ATP2A1: variants seen among roughly 807,000 people sequenced by gnomAD.
The protein encoded by ATP2A1 is ATPase sarcoplasmic/endoplasmic reticulum Ca2+ transporting 1, also known as sarcoplasmic/endoplasmic reticulum calcium ATPase 1.
In ATP2A1, 83 loss-of-function variants were observed where a neutral mutation model predicts 109.5. The ratio of observed to expected loss-of-function variants is 0.76; its 90% CI spans 0.63 to 0.91. The LOEUF (loss-of-function observed/expected upper bound fraction) is 0.91, where lower values mean the gene tolerates loss of function less well. ATP2A1 is among the 40% of genes least tolerant of loss of function. The probability of loss-of-function intolerance (pLI) is 0.00; values close to 1 mark genes in which losing one functional copy is unlikely to be tolerated. For synonymous variants in ATP2A1, 505 were observed against 537.6 expected, an observed-to-expected ratio of 0.94 and a Z score of 0.84; for missense variants, 1,101 against 1,341.0, an observed-to-expected ratio of 0.82 and a Z score of 2.80.
rs1964130620 is a variant in ATP2A1, at chr16:28,902,993, C to G, written c.2745-37C>G. ...CCACTGTGCCGCCCACCTCCTTCCTCCTCACTGTGCCTTCTCCCTCCCCTT... is the reference window on the plus strand; with the variant it reads ...CCACTGTGCCGCCCACCTCCTTCCTGCTCACTGTGCCTTCTCCCTCCCCTT... On this transcript the variant is annotated intron_variant, in intron 19 of 22. Transcript: ENST00000395503. The surrounding 1 kb of genome is among the most constrained non-coding windows in gnomAD (Gnocchi z 4.8). 1 of 1,613,496 alleles carries G rather than the reference C, an allele frequency of 6.2e-7. No individual in the cohort carries two copies. The highest frequency in any genetic ancestry group is 1.3e-5 in the African/African-American group (1 of 75,006).
intron 9 of ATP2A1, among the ~76,000 whole-genome samples, chr16:28,889,773 G>C (rs1180293283): frequency 6.6e-6 from 1 of 152,192 alleles, no homozygotes; most frequent in African/African-American, 2.4e-5. Context: ...CCTAAAGCAG[G>C]GCTCTTAATC....
chr16:28,902,048 C>T lies in ATP2A1; in HGVS notation c.2286C>T (p.Arg762=), dbSNP rs1386346062. The change falls in exon 16 of 23, where the codon CGC becomes CGT. Residue 762 remains arginine, a synonymous_variant. Coordinates refer to ENST00000395503, the MANE Select transcript of ATP2A1 (RefSeq NM_004320.6). This position sits in a 1 kb window ranked among gnomAD's most constrained non-coding sequence, Gnocchi z 4.8. Reference sequence around the variant, plus strand: ...ACAACAACATGAAGCAGTTCATCCGCTACCTCATTTCCTCCAACGTGGGCG... The same window carrying T: ...ACAACAACATGAAGCAGTTCATCCGTTACCTCATTTCCTCCAACGTGGGCG... ...AIYNNMKQFI[R]YLISSNVGEV... is the part of the protein sequence containing the mutation. 2 of 1,614,124 alleles carry T rather than the reference C, an allele frequency of 1.2e-6. No homozygotes were observed. Among genetic ancestry groups the T allele is most frequent in the African/African-American group, 2.7e-5 (2 of 74,946 alleles).
At position 28,902,444 on chromosome 16, in the gene ATP2A1, G is replaced by GAC; in HGVS notation, c.2524+61_2524+62dup. On this transcript the variant is annotated intron_variant, in intron 17 of 22. Coordinates refer to ENST00000395503, the MANE Select transcript of ATP2A1 (RefSeq NM_004320.6). This position sits in a 1 kb window ranked among gnomAD's most constrained non-coding sequence, Gnocchi z 4.8. ...CCCTTGGGACTAACCCCCTCTCTGG[G>GAC]ACACCAGCTCCCCCATGCAGGTGCT... 4 of 1,593,698 alleles carry GAC rather than the reference G, an allele frequency of 2.5e-6. No homozygotes were observed. The highest frequency in any genetic ancestry group is 3.7e-4 in the Middle Eastern group (2 of 5,426).
intron 14 of ATP2A1, among the ~76,000 whole-genome samples, chr16:28,899,075 A>G (rs778220630): frequency 2.1e-4 from 32 of 152,244 alleles, no homozygotes; most frequent in Non-Finnish European, 4.3e-4. Flanking sequence ...TGTGGTTGGT[A>G]ACAAGGTGAG....
chr16:28,904,286 C>A lies in ATP2A1; in HGVS notation c.*144C>A. 6.2e-7 allele frequency: 1 copy of A among 1,612,132 alleles called. No individual in the cohort carries two copies. The highest frequency in any genetic ancestry group is 8.5e-7 in the Non-Finnish European group (1 of 1,179,476). ...TGTGGCACAGACCCCCGTCCTGTCC[C>A]CCACACCCGTGTCATGTGTCTGTTT... On this transcript the variant is annotated 3_prime_UTR_variant, in exon 23 of 23. Transcript: ENST00000395503.
At position 28,894,922 on chromosome 16, in the gene ATP2A1, C is replaced by T; in HGVS notation, c.1388C>T (p.Ser463Leu). The T allele has an allele frequency of 9.3e-6, 15 of 1,612,434 alleles. No homozygotes were observed. The highest frequency in any genetic ancestry group is 1.3e-5 in the African/African-American group (1 of 75,042). Reference protein sequence around the residue: ...NVFNTDVRSLSKVERANACNS... With the variant: ...NVFNTDVRSLLKVERANACNS... The stretch of plus-strand genomic sequence containing the variant: ...TTCAACACGGATGTGAGAAGCCTCT[C>T]GAAGGTGGAGAGAGCCAACGCCTGC... The change falls in exon 12 of 23, where the codon TCG becomes TTG. Residue 463 changes from serine (S) to leucine (L), a missense_variant. Transcript: ENST00000395503.
At position 28,903,291 on chromosome 16, in the gene ATP2A1, C is replaced by A. The variant is rs763357966; in HGVS notation, c.2863-32C>A. ...CTGGTCTCTGGCTCCCTCCCCACCC[C>A]CTCCTGAGAGGGCGCTTGTCCCCTG... On this transcript the variant is annotated intron_variant, in intron 20 of 22. Coordinates refer to ENST00000395503, the MANE Select transcript of ATP2A1 (RefSeq NM_004320.6). The surrounding 1 kb of genome is among the most constrained non-coding windows in gnomAD (Gnocchi z 5.6). 1.3e-6 allele frequency: 2 copies of A among 1,595,748 alleles called. No homozygotes were observed. The highest frequency in any genetic ancestry group is 1.1e-5 in the South Asian group (1 of 90,682).
At chr16:28,897,413 G>C (rs1225837599) in intron 12 of ATP2A1, among the ~76,000 whole-genome samples, 1 of 152,142 alleles carries the variant, frequency 6.6e-6, no homozygotes, top group Non-Finnish European at 1.5e-5. Context: ...TGAGGCAGGA[G>C]GATTGCCAGA....
rs1372535766 is a variant in ATP2A1, at chr16:28,904,329, C to A, written c.*187C>A. On this transcript the variant is annotated 3_prime_UTR_variant, in exon 23 of 23. Coordinates refer to ENST00000395503, the MANE Select transcript of ATP2A1 (RefSeq NM_004320.6). ...GTCTGTTTATAAACATGTCCCCTTC[C>A]CTTTCCTTCCCCCTCGGCCACCCGC... is the stretch of plus-strand genomic sequence containing the variant. 3.8e-6 allele frequency: 6 copies of A among 1,575,806 alleles called. No homozygotes were observed. In the Admixed American group the frequency reaches 7.3e-5, roughly 19 times the overall value.
At position 28,878,609 on chromosome 16, in the gene ATP2A1, C is replaced by A. The variant is rs1437807083; in HGVS notation, c.-63C>A. ...GGCAGTTGGACACACTGAGGAAGACCCCCCACGAGTGGGAACCCCCTGGAA... is the reference window on the plus strand; with the variant it reads ...GGCAGTTGGACACACTGAGGAAGACACCCCACGAGTGGGAACCCCCTGGAA... On this transcript the variant is annotated 5_prime_UTR_variant, in exon 1 of 23. Transcript: ENST00000395503. The A allele has an allele frequency of 6.6e-6, 9 of 1,363,736 alleles. No homozygotes were observed. In the South Asian group the frequency reaches 9.9e-5, roughly 15 times the overall value. 84.5% of individuals were successfully genotyped at this position (1,363,736 alleles called of 1,614,324 possible).
intron 1 of ATP2A1, 117 bp downstream of exon 1, chr16:28,878,906 T>C: frequency 7.4e-7 from 1 of 1,351,412 alleles, no homozygotes; most frequent in Non-Finnish European, 1.1e-6. Context: ...GCTGGGCCGT[T>C]GTCCAATGCT....
chr16:28,894,655 C>T (rs200134045), intron 11 of ATP2A1, 48 bp downstream of exon 11: 400 of 1,602,776 alleles, frequency 2.5e-4, no homozygotes, highest in Non-Finnish European at 3.3e-4. Flanking sequence ...GGGCCTCCTC[C>T]GAAGGCCAGG....
intron 9 of ATP2A1, 88 bp from the exon 10 acceptor site, chr16:28,894,067 G>T (rs1963849749): frequency 9.0e-7 from 1 of 1,107,910 alleles, no homozygotes; most frequent in Non-Finnish European, 1.4e-6. Context: ...GAAGGTAGGT[G>T]TTGGCAGTGC....
chr16:28,893,107 A>C (rs371341331), intron 9 of ATP2A1, among the ~76,000 whole-genome samples: 8 of 149,102 alleles, frequency 5.4e-5, no homozygotes, highest in African/African-American at 2.0e-4. Flanking sequence ...CTGTACTCCC[A>C]GCATCATGGT....
chr16:28,903,508 G>A lies in ATP2A1; in HGVS notation c.2980+68G>A, dbSNP rs1248249913. Reference sequence around the variant, plus strand: ...GCCCCTTCCCCATGACGCCGCCCCCGCCCCGCCCCGTACTTTGCAGGTGGT... The same window carrying A: ...GCCCCTTCCCCATGACGCCGCCCCCACCCCGCCCCGTACTTTGCAGGTGGT... On this transcript the variant is annotated intron_variant, in intron 21 of 22. Coordinates refer to ENST00000395503, the MANE Select transcript of ATP2A1 (RefSeq NM_004320.6). The surrounding 1 kb of genome is among the most constrained non-coding windows in gnomAD (Gnocchi z 5.6). 58 of 851,632 alleles carry A rather than the reference G, an allele frequency of 6.8e-5. No individual in the cohort carries two copies. The highest frequency in any genetic ancestry group is 6.7e-4 in the African/African-American group (24 of 35,756). The allele number at this position is 851,632 out of a possible 1,614,324, so 52.8% of individuals were successfully genotyped here.
Position 28,903,256 on chromosome 16 carries a change from C to A in ATP2A1, c.2863-67C>A. ...GATGTGGGAGGCTGGTGGGAGTGGGCTGGGCAGTGCTGGTCTCTGGCTCCC... is the reference window on the plus strand; with the variant it reads ...GATGTGGGAGGCTGGTGGGAGTGGGATGGGCAGTGCTGGTCTCTGGCTCCC... On this transcript the variant is annotated intron_variant, in intron 20 of 22. Coordinates refer to ENST00000395503, the MANE Select transcript of ATP2A1 (RefSeq NM_004320.6). This position sits in a 1 kb window ranked among gnomAD's most constrained non-coding sequence, Gnocchi z 5.6. 1 of 1,563,280 alleles carries A rather than the reference C, an allele frequency of 6.4e-7. No individual in the cohort carries two copies. The highest frequency in any genetic ancestry group is 2.2e-5 in the East Asian group (1 of 44,576).
Position 28,898,580 on chromosome 16 carries a change from C to A in ATP2A1, c.1764+129C>A. ...CAAGTTGATGGCTCCTTAGTACAGG[C>A]CATGGAATCACAGGACAGTAGAGTT... On this transcript the variant is annotated intron_variant, in intron 14 of 22. Transcript: ENST00000395503. This position sits in a 1 kb window ranked among gnomAD's most constrained non-coding sequence, Gnocchi z 4.0. The A allele has an allele frequency of 9.1e-7, 1 of 1,098,316 alleles. No homozygotes were observed. The highest frequency in any genetic ancestry group is 1.4e-5 in the South Asian group (1 of 72,600). The allele number at this position is 1,098,316 out of a possible 1,614,324, so 68.0% of individuals were successfully genotyped here.
In ATP2A1 at chr16:28,887,235, C is replaced by T. The variant is rs765428774; in HGVS notation, c.591C>T (p.Pro197=). The change falls in exon 7 of 23, where the codon CCC becomes CCT. Residue 197 remains proline (P), a synonymous_variant. Transcript: ENST00000395503. ...AACACACGGAGCCCGTTCCTGACCC[C>T]CGAGCTGTCAACCAGGACAAGAAGA... The part of the protein sequence containing the change: ...VIKHTEPVPD[P]RAVNQDKKNM... 5.0e-6 allele frequency: 8 copies of T among 1,613,962 alleles called. No homozygotes were observed. Among genetic ancestry groups the T allele is most frequent in the East Asian group, 2.2e-5 (1 of 44,850 alleles).
intron 2 of ATP2A1, 130 bp from the exon 3 acceptor site, chr16:28,879,371 C>G (rs1490731220): frequency 5.2e-6 from 5 of 969,880 alleles, no homozygotes; most frequent in African/African-American, 1.6e-5. Context: ...CTTAGCCCTT[C>G]TCTGGGCACC....
Sources: gnomAD v4.1 joint callset for allele counts (sites outside exome capture counted in the v4.1 genomes callset) on GRCh38, gnomAD v4.1.1 for gene constraint, Gnocchi (gnomAD v3.1) non-coding constraint, MANE v1.5 for transcripts, NCBI Gene and HGNC (gene_info 2026-07-23, HGNC 2026-07-21) for gene names.